ECT2L: variants seen among roughly 807,000 people sequenced by gnomAD.
ECT2L encodes epithelial cell transforming 2 like, also known as epithelial cell-transforming sequence 2 oncogene-like.
ECT2L carries 126 observed loss-of-function variants against 122.8 expected under a neutral mutation model. The observed-to-expected ratio is 1.03, with a 90% CI of 0.89 to 1.19. The LOEUF (loss-of-function observed/expected upper bound fraction) is 1.19, where lower values mean the gene tolerates loss of function less well. ECT2L is among the 50% of genes most tolerant of loss of function. ECT2L has a pLI of 0.00. For synonymous variants in ECT2L, 385 were observed against 381.8 expected, an observed-to-expected ratio of 1.01 and a Z score of -0.10; for missense variants, 1,012 against 1,064.1, an observed-to-expected ratio of 0.95 and a Z score of 0.68.
chr6:138,898,561 G>A (rs766446249), intron 20 of ECT2L, among the ~76,000 whole-genome samples: 4 of 152,138 alleles, frequency 2.6e-5, no homozygotes, highest in Non-Finnish European at 5.9e-5. Context: ...CTTGAAGTGT[G>A]GCCTGCAGAT....
chr6:138,853,257 C>T (rs565657180), intron 9 of ECT2L, among the ~76,000 whole-genome samples: 61 of 152,254 alleles, frequency 4.0e-4, no homozygotes, highest in African/African-American at 1.3e-3. Flanking sequence ...TGAGCCACCG[C>T]GCCTGGCCCT....
chr6:138,849,570 A>G, intron 9 of ECT2L, 136 bp downstream of exon 9: 1 of 881,370 alleles, frequency 1.1e-6, no homozygotes. Flanking sequence ...GAAAAAAGCG[A>G]AGCTTTTTTT....
intron 9 of ECT2L, among the ~76,000 whole-genome samples, chr6:138,851,486 T>A (rs1777449589): frequency 6.9e-6 from 1 of 145,342 alleles, no homozygotes; most frequent in Admixed American, 6.8e-5. Context: ...CCTAGCCTTT[T>A]TTTTTTTTTT....
intron 4 of ECT2L, among the ~76,000 whole-genome samples, chr6:138,833,111 GA>G (rs1216955527): frequency 6.6e-6 from 1 of 152,062 alleles, no homozygotes; most frequent in Non-Finnish European, 1.5e-5. Flanking sequence ...CAGCGTGGGG[GA>G]AACCACCTCC....
intron 10 of ECT2L, among the ~76,000 whole-genome samples, chr6:138,859,587 G>A (rs1777744637): frequency 6.6e-6 from 1 of 152,104 alleles, no homozygotes; most frequent in South Asian, 2.1e-4. Context: ...TGGGTATGTG[G>A]TGGTATCTCA....
intron 3 of ECT2L, among the ~76,000 whole-genome samples, chr6:138,813,588 A>C (rs1295588010): frequency 6.6e-6 from 1 of 152,206 alleles, no homozygotes; most frequent in East Asian, 1.9e-4. Flanking sequence ...AACAAAATAG[A>C]GACCTCTAGG....
rs375324556 is a variant in ECT2L, at chr6:138,816,630, G to A, written c.179+2027G>A. 1.1e-3 allele frequency among the ~76,000 whole-genome samples: 162 copies of A among 151,974 alleles called. 3 individuals carry two copies. The South Asian group carries it at 0.033, about 31-fold the overall frequency. On this transcript the variant is annotated intron_variant, in intron 4 of 21. Transcript: ENST00000541398. ...CTCCTGAGTAGCTGGGACTACAGGC[G>A]CCCACCACCACGCCCAGCTACTTTT...
At chr6:138,796,550 A>T (rs1775350259) in intron 1 of ECT2L, among the ~76,000 whole-genome samples, 1 of 148,848 alleles carries the variant, frequency 6.7e-6, no homozygotes, top group Non-Finnish European at 1.5e-5. Context: ...TCCTTCTGAC[A>T]GTTCTCTCCC....
intron 20 of ECT2L, among the ~76,000 whole-genome samples, chr6:138,899,669 AG>A (rs1779332690): frequency 6.6e-6 from 1 of 152,248 alleles, no homozygotes; most frequent in Admixed American, 6.5e-5. Context: ...AAAATGGTGA[AG>A]AAAAATAAGA....
chr6:138,873,898 G>GTGTGTGTGTGTGTGTA lies in ECT2L; in HGVS notation c.1579-2559_1579-2558insATGTGTGTGTGTGTGT, dbSNP rs1554277022. ...TGTGTGTGTGTGTGTGTGTGTGTGTGTGTGTGTGTGTGTGTGTCCATCCAT... is the reference window on the plus strand; with the variant it reads ...TGTGTGTGTGTGTGTGTGTGTGTGTGTGTGTGTGTGTGTGTATGTGTGTGTGTGTGTGTCCATCCAT... On this transcript the variant is annotated intron_variant, in intron 13 of 21. Transcript: ENST00000541398. Among the ~76,000 whole-genome samples, 70 of 150,234 alleles carry GTGTGTGTGTGTGTGTA rather than the reference G, an allele frequency of 4.7e-4. 1 individual carries two copies. The highest frequency in any genetic ancestry group is 1.6e-3 in the African/African-American group (66 of 40,466).
At chr6:138,877,563 C>T (rs1316509984) in intron 14 of ECT2L, among the ~76,000 whole-genome samples, 4 of 152,146 alleles carry the variant, frequency 2.6e-5, no homozygotes, top group Non-Finnish European at 5.9e-5. Flanking sequence ...TGTAAGCCAA[C>T]TGCCAAGTAG....
intron 20 of ECT2L, among the ~76,000 whole-genome samples, chr6:138,898,602 C>A (rs1398070928): frequency 6.6e-6 from 1 of 152,124 alleles, no homozygotes; most frequent in Non-Finnish European, 1.5e-5. Flanking sequence ...GAGAGCTTGC[C>A]AGAAATGCAG....
At chr6:138,854,835 C>A (rs933086457) in intron 10 of ECT2L, among the ~76,000 whole-genome samples, 3 of 152,192 alleles carry the variant, frequency 2.0e-5, no homozygotes, top group Admixed American at 6.5e-5. Flanking sequence ...AAGTTGACTT[C>A]TATGCTTGAA....
chr6:138,857,407 G>A (rs892765124), intron 10 of ECT2L, among the ~76,000 whole-genome samples: 8 of 152,010 alleles, frequency 5.3e-5, no homozygotes, highest in African/African-American at 1.9e-4. Context: ...TTTCTATCAA[G>A]TTTCCAGGTG....
intron 20 of ECT2L, among the ~76,000 whole-genome samples, chr6:138,896,627 C>A (rs1779223272): frequency 6.6e-6 from 1 of 152,128 alleles, no homozygotes; most frequent in African/African-American, 2.4e-5. Context: ...CTGCTGTTGT[C>A]CATGTACTGA....
At chr6:138,896,499 G>A (rs1321026135) in intron 20 of ECT2L, among the ~76,000 whole-genome samples, 1 of 152,168 alleles carries the variant, frequency 6.6e-6, no homozygotes, top group African/African-American at 2.4e-5. Flanking sequence ...GGCTTCTCAA[G>A]GATACTAGAC....
chr6:138,864,632 G>A (rs377246735), intron 11 of ECT2L, among the ~76,000 whole-genome samples: 9 of 152,194 alleles, frequency 5.9e-5, no homozygotes, highest in African/African-American at 1.7e-4. Flanking sequence ...GCCGTGTAGC[G>A]TGGGATTTCT....
At chr6:138,841,697 AAAAGTGATGCC>A (rs1436079697) in intron 5 of ECT2L, among the ~76,000 whole-genome samples, 1 of 152,218 alleles carries the variant, frequency 6.6e-6, no homozygotes, top group East Asian at 1.9e-4. Flanking sequence ...CCTTGAAGTA[AAAAGTGATGCC>A]AAATATCAGG....
intron 11 of ECT2L, 34 bp from the exon 12 acceptor site, chr6:138,864,962 A>G (rs1196186539): frequency 1.3e-6 from 2 of 1,588,886 alleles, no homozygotes; most frequent in East Asian, 4.5e-5. Context: ...TCTGAGCTCA[A>G]GCCTGCAATA....
Sources: gnomAD v4.1 joint callset for allele counts (sites outside exome capture counted in the v4.1 genomes callset) on GRCh38, gnomAD v4.1.1 for gene constraint, MANE v1.5 for transcripts, NCBI Gene and HGNC (gene_info 2026-07-23, HGNC 2026-07-21) for gene names.